Variants in PCCB observed in about 807,000 individuals in gnomAD.
PCCB encodes the protein propionyl-CoA carboxylase subunit beta.
In PCCB, 43 loss-of-function variants were observed where a neutral mutation model predicts 60.7. The ratio of observed to expected loss-of-function variants is 0.71; its 90% CI spans 0.55 to 0.91. The LOEUF is 0.91. PCCB is among the 40% of genes least tolerant of loss of function. The probability of loss-of-function intolerance (pLI) is 0.00; values close to 1 mark genes in which losing one functional copy is unlikely to be tolerated. For missense variants in PCCB, 766 were observed against 702.8 expected, an observed-to-expected ratio of 1.09 and a Z score of -1.02; for synonymous variants, 276 against 255.9, an observed-to-expected ratio of 1.08 and a Z score of -0.75.
At chr3:136,313,822 A>C (rs1251988761) in intron 9 of PCCB, among the ~76,000 whole-genome samples, 1 of 152,200 alleles carries the variant, frequency 6.6e-6, no homozygotes, top group Non-Finnish European at 1.5e-5. Flanking sequence ...AGCAGTTCTG[A>C]AACCATTTTC....
chr3:136,259,302 T>C (rs1941759616), intron 3 of PCCB: 2 of 459,636 alleles, frequency 4.4e-6, no homozygotes, highest in East Asian at 7.0e-5. Context: ...CTGTCTCTAA[T>C]AAAAATACAA....
intron 5 of PCCB, among the ~76,000 whole-genome samples, chr3:136,276,373 G>A (rs1942331057): frequency 2.0e-5 from 3 of 152,122 alleles, no homozygotes; most frequent in Admixed American, 2.0e-4. Context: ...ATGCACTGAG[G>A]TCTTATCAAG....
intron 6 of PCCB, among the ~76,000 whole-genome samples, chr3:136,291,619 C>G (rs1933694503): frequency 6.6e-6 from 1 of 152,130 alleles, no homozygotes; most frequent in South Asian, 2.1e-4. Flanking sequence ...TGGGGCTGGC[C>G]ATTTCCCCTC....
At chr3:136,252,639 C>T (rs1941548922) in intron 1 of PCCB, among the ~76,000 whole-genome samples, 1 of 150,762 alleles carries the variant, frequency 6.6e-6, no homozygotes, top group Non-Finnish European at 1.5e-5. Context: ...GTGATCCTTC[C>T]ACTTCAGCCT....
Position 136,284,616 on chromosome 3 carries a change from T to A in PCCB, c.654+669T>A, listed in dbSNP as rs1008007014. 3.3e-5 allele frequency among the ~76,000 whole-genome samples: 5 copies of A among 152,164 alleles called. No individual in the cohort carries two copies. The East Asian group carries it at 9.7e-4, about 29-fold the overall frequency. On this transcript the variant is annotated intron_variant, in intron 6 of 14. Coordinates refer to ENST00000251654, the MANE Select transcript of PCCB (RefSeq NM_000532.5). ...AAAAAGTAGTGATAGCCATCCAACT[T>A]GAGGAGAGGAGTTCTAGAGGGAGTG...
chr3:136,290,296 A>G (rs991618673), intron 6 of PCCB, among the ~76,000 whole-genome samples: 1 of 152,190 alleles, frequency 6.6e-6, no homozygotes, highest in African/African-American at 2.4e-5. Flanking sequence ...TGCAGAGCAC[A>G]GAATTCTAGG....
At chr3:136,294,870 G>C (rs995681329) in intron 7 of PCCB, among the ~76,000 whole-genome samples, 1 of 151,894 alleles carries the variant, frequency 6.6e-6, no homozygotes, top group Non-Finnish European at 1.5e-5. Flanking sequence ...CTCCCACTTC[G>C]ACCTCCCAAA....
intron 3 of PCCB, 139 bp downstream of exon 3, chr3:136,256,762 C>A (rs758149468): frequency 1.4e-6 from 1 of 715,328 alleles, no homozygotes; most frequent in Non-Finnish European, 2.6e-6. Context: ...CTTTTCAGTG[C>A]GTGTTTCCAG....
At chr3:136,324,148 G>A (rs764289500) in intron 10 of PCCB, among the ~76,000 whole-genome samples, 5 of 152,002 alleles carry the variant, frequency 3.3e-5, no homozygotes, top group African/African-American at 1.2e-4. Context: ...GTCTTGCTCT[G>A]TTGCCTGGGC....
chr3:136,322,346 G>C (rs1333718727), intron 10 of PCCB, among the ~76,000 whole-genome samples: 1 of 152,082 alleles, frequency 6.6e-6, no homozygotes, highest in African/African-American at 2.4e-5. Flanking sequence ...TTTCTGCATT[G>C]TTGGATTTGA....
At chr3:136,265,313 C>G (rs1040671511) in intron 5 of PCCB, among the ~76,000 whole-genome samples, 2 of 152,188 alleles carry the variant, frequency 1.3e-5, no homozygotes, top group African/African-American at 2.4e-5. Context: ...ATCTAGTTTT[C>G]AAACCTGCCA....
chr3:136,253,858 A>G (rs912426892), intron 1 of PCCB, among the ~76,000 whole-genome samples: 9 of 151,628 alleles, frequency 5.9e-5, no homozygotes, highest in African/African-American at 1.9e-4. Flanking sequence ...TTTGTTGCCC[A>G]GGCTGGTCTC....
chr3:136,297,103 G>A (rs1341179475), intron 7 of PCCB, among the ~76,000 whole-genome samples: 1 of 152,192 alleles, frequency 6.6e-6, no homozygotes, highest in Non-Finnish European at 1.5e-5. Flanking sequence ...GCCTCACTGA[G>A]GTTAGGAGCT....
chr3:136,318,481 A>G (rs1450222888), intron 10 of PCCB, among the ~76,000 whole-genome samples: 2 of 152,248 alleles, frequency 1.3e-5, no homozygotes, highest in East Asian at 1.9e-4. Context: ...TACAAAGTGT[A>G]TGCAACCATC....
chr3:136,279,336 T>C (rs960919600), intron 5 of PCCB, among the ~76,000 whole-genome samples: 6 of 152,244 alleles, frequency 3.9e-5, no homozygotes, highest in Non-Finnish European at 7.4e-5. Context: ...GTTATTTCTG[T>C]ATGTGTTTTG....
At chr3:136,282,100 T>C (rs1942490762) in intron 5 of PCCB, among the ~76,000 whole-genome samples, 1 of 152,152 alleles carries the variant, frequency 6.6e-6, no homozygotes, top group Non-Finnish European at 1.5e-5. Context: ...TTTTCAAGGT[T>C]GAAAAACCAA....
At position 136,250,511 on chromosome 3, in the gene PCCB, G is replaced by A. The variant is rs1394606144; in HGVS notation, c.136G>A (p.Ala46Thr). 1.2e-6 allele frequency: 2 copies of A among 1,612,980 alleles called. No individual in the cohort carries two copies. The highest frequency in any genetic ancestry group is 1.7e-6 in the Non-Finnish European group (2 of 1,179,726). ...NERIENKRRTALLGGGQRRID... is the reference protein window; with the variant it reads ...NERIENKRRTTLLGGGQRRID... ...ACGCATCGAAAACAAGCGCCGGACC[G>A]CGCTGCTGGGAGGGGGCCAACGCCG... Residue 46 changes from alanine to threonine, a missense_variant, in exon 1 of 15, where the codon GCG becomes ACG. By Grantham distance (58) the Ala-to-Thr change is moderately conservative. Coordinates refer to ENST00000251654, the MANE Select transcript of PCCB (RefSeq NM_000532.5).
intron 5 of PCCB, among the ~76,000 whole-genome samples, chr3:136,271,717 A>G (rs1472327153): frequency 6.6e-6 from 1 of 152,200 alleles, no homozygotes; most frequent in Admixed American, 6.5e-5. Flanking sequence ...TTGTAACCTA[A>G]GACTTTACTG....
chr3:136,256,421 C>CT, intron 2 of PCCB, 134 bp from the exon 3 acceptor site: 1 of 715,578 alleles, frequency 1.4e-6, no homozygotes, highest in South Asian at 1.5e-5. Flanking sequence ...GGTGGGATTC[C>CT]TTCATGTTCC....
Sources: allele counts gnomAD v4.1 joint callset (sites outside exome capture counted in the v4.1 genomes callset), GRCh38; gene constraint gnomAD v4.1.1; transcripts MANE v1.5; gene names NCBI Gene and HGNC (gene_info 2026-07-23, HGNC 2026-07-21).